The following DPP10 variants were observed in gnomAD, a reference collection of about 807,000 sequenced individuals.
DPP10 encodes dipeptidyl peptidase like 10, also known as inactive dipeptidyl peptidase 10.
A neutral mutation model predicts 120.9 loss-of-function variants in DPP10; 33 were observed. The observed-to-expected ratio is 0.27, with a 90% CI of 0.21 to 0.37. The LOEUF (loss-of-function observed/expected upper bound fraction) is 0.37. Among genes scored for constraint, DPP10 ranks in the 10% least tolerant of loss-of-function variants. The pLI is 1.00. For synonymous variants in DPP10, 337 were observed against 326.1 expected, an observed-to-expected ratio of 1.03 and a Z score of -0.36; for missense variants, 816 against 942.8, an observed-to-expected ratio of 0.87 and a Z score of 1.76.
chr2:114,695,281 A>C (rs1188141971), intron 1 of DPP10, among the ~76,000 whole-genome samples: 1 of 151,988 alleles, frequency 6.6e-6, no homozygotes, highest in East Asian at 1.9e-4. Context: ...TGGAATGTGA[A>C]ATAGAGAGAA....
chr2:114,867,801 T>C (rs1485166114), intron 1 of DPP10, among the ~76,000 whole-genome samples: 1 of 152,150 alleles, frequency 6.6e-6, no homozygotes, highest in Non-Finnish European at 1.5e-5. Context: ...GCTGAAGGTA[T>C]TTAAAGGAAA....
chr2:115,164,676 G>A (rs1299050571), intron 1 of DPP10, among the ~76,000 whole-genome samples: 3 of 152,200 alleles, frequency 2.0e-5, no homozygotes, highest in South Asian at 4.1e-4. Flanking sequence ...TTATAGCACA[G>A]TGGAAGACCA....
At chr2:115,241,821 A>G (rs759863253) in intron 1 of DPP10, among the ~76,000 whole-genome samples, 6 of 152,300 alleles carry the variant, frequency 3.9e-5, no homozygotes, top group South Asian at 4.1e-4. Context: ...ATCCTTCTAT[A>G]CCTCAGAAAT....
chr2:115,020,648 C>T (rs1477532402), intron 1 of DPP10, among the ~76,000 whole-genome samples: 1 of 152,056 alleles, frequency 6.6e-6, no homozygotes, highest in Non-Finnish European at 1.5e-5. Context: ...AAACTATAGC[C>T]TACAACAAAT....
chr2:114,815,155 G>A (rs967022669), intron 1 of DPP10, among the ~76,000 whole-genome samples: 2 of 152,216 alleles, frequency 1.3e-5, no homozygotes, highest in Non-Finnish European at 2.9e-5. Context: ...GTAAAGAGAA[G>A]CGAGTCTCAT....
At chr2:114,992,556 G>C (rs1032831433) in intron 1 of DPP10, among the ~76,000 whole-genome samples, 1 of 152,086 alleles carries the variant, frequency 6.6e-6, no homozygotes, top group Non-Finnish European at 1.5e-5. Context: ...AGTTTCTGTT[G>C]TTTGCAACCA....
intron 1 of DPP10, among the ~76,000 whole-genome samples, chr2:114,682,903 AG>A (rs1699123586): frequency 6.6e-6 from 1 of 151,884 alleles, no homozygotes; most frequent in Non-Finnish European, 1.5e-5. Flanking sequence ...GTATGTAAAT[AG>A]TACACCCTAC....
chr2:115,255,131 A>G (rs967941368), intron 1 of DPP10, among the ~76,000 whole-genome samples: 3 of 152,220 alleles, frequency 2.0e-5, no homozygotes, highest in Non-Finnish European at 4.4e-5. Flanking sequence ...CTGCCTGGAC[A>G]CCAGGGCATT....
At chr2:114,613,789 T>TA (rs1291079903) in intron 1 of DPP10, among the ~76,000 whole-genome samples, 1 of 152,076 alleles carries the variant, frequency 6.6e-6, no homozygotes. Flanking sequence ...TATGCAGCCA[T>TA]AAAAAAGAAT....
In DPP10 at chr2:115,386,326, G is replaced by A. The variant is rs918502623; in HGVS notation, c.271+42414G>A. ...CATCAGGGCTCTAGACAGAGAAAAG[G>A]CAGATTAACAAGAGAAAAATAAACA... On this transcript the variant is annotated intron_variant, in intron 3 of 25. Transcript: ENST00000410059. Among the ~76,000 whole-genome samples, 25 of 152,218 alleles carry A rather than the reference G, an allele frequency of 1.6e-4. 1 individual carries two copies. The South Asian group carries it at 2.5e-3, about 15-fold the overall frequency.
chr2:115,774,755 C>G (rs1304503974), intron 13 of DPP10, among the ~76,000 whole-genome samples: 1 of 151,998 alleles, frequency 6.6e-6, no homozygotes, highest in Non-Finnish European at 1.5e-5. Context: ...AAATACATAC[C>G]AATAAGACAG....
At chr2:115,633,691 C>G (rs1161457364) in intron 5 of DPP10, among the ~76,000 whole-genome samples, 1 of 152,074 alleles carries the variant, frequency 6.6e-6, no homozygotes, top group African/African-American at 2.4e-5. Flanking sequence ...GTGACCTGAC[C>G]TTTTTCTCTG....
chr2:115,842,318 A>G lies in DPP10; in HGVS notation c.2364A>G (p.Leu788=), dbSNP rs750739428. 1.2e-6 allele frequency: 2 copies of G among 1,613,814 alleles called. No homozygotes were observed. The highest frequency in any genetic ancestry group is 2.2e-5 in the South Asian group (2 of 91,088). The part of the protein sequence containing the change: ...SDCLKEEISV[L]PQEPEEDE ...GTTTGAAGGAAGAAATATCTGTGCT[A>G]CCACAGGAACCAGAAGAAGATGAAT... Residue 788 remains leucine, a synonymous_variant, in exon 26 of 26, where the codon CTA becomes CTG. Transcript: ENST00000410059.
chr2:114,860,969 A>G (rs548031118), intron 1 of DPP10, among the ~76,000 whole-genome samples: 82 of 152,224 alleles, frequency 5.4e-4, no homozygotes, highest in African/African-American at 1.8e-3. Context: ...TTTTTTATCT[A>G]TTCATGTGAC....
intron 1 of DPP10, among the ~76,000 whole-genome samples, chr2:114,978,545 T>C (rs1699892132): frequency 6.6e-6 from 1 of 152,148 alleles, no homozygotes; most frequent in Admixed American, 6.5e-5. Flanking sequence ...TAATCTCCAG[T>C]AACAGACAAG....
chr2:115,591,834 G>T (rs1224602042), intron 5 of DPP10, among the ~76,000 whole-genome samples: 4 of 152,150 alleles, frequency 2.6e-5, no homozygotes, highest in African/African-American at 9.7e-5. Context: ...ATTTTGTTGA[G>T]CAGTGGTTTG....
chr2:115,166,456 T>A (rs1051739274), intron 1 of DPP10, among the ~76,000 whole-genome samples: 3 of 131,368 alleles, frequency 2.3e-5, no homozygotes, highest in African/African-American at 8.5e-5. Context: ...AAAATATGCA[T>A]TTCCTACTCT....
At chr2:115,670,764 G>A (rs555468695) in intron 5 of DPP10, among the ~76,000 whole-genome samples, 1 of 152,170 alleles carries the variant, frequency 6.6e-6, no homozygotes, top group East Asian at 1.9e-4. Context: ...AATTCATGGG[G>A]AAGATAATAT....
chr2:114,816,955 A>G lies in DPP10; in HGVS notation c.60+374117A>G, dbSNP rs564855441. 1.6e-4 allele frequency among the ~76,000 whole-genome samples: 24 copies of G among 152,334 alleles called. No individual in the cohort carries two copies. The East Asian group carries it at 4.2e-3, about 27-fold the overall frequency. The stretch of plus-strand genomic sequence containing the variant: ...AGTTTTTTATTGTTGTTGTCTGCGC[A>G]TGATATAGACTGTTAATATCTCACT... On this transcript the variant is annotated intron_variant, in intron 1 of 25. Coordinates refer to ENST00000410059, the MANE Select transcript of DPP10 (RefSeq NM_020868.6).
Sources: gnomAD v4.1 joint callset for allele counts (sites outside exome capture counted in the v4.1 genomes callset) on GRCh38, gnomAD v4.1.1 for gene constraint, MANE v1.5 for transcripts, NCBI Gene and HGNC (gene_info 2026-07-23, HGNC 2026-07-21) for gene names.